CLEC16A: variants seen among roughly 807,000 people sequenced by gnomAD.
CLEC16A encodes C-type lectin domain containing 16A.
In CLEC16A, 51 loss-of-function variants were observed where a neutral mutation model predicts 109.5. That is an observed-to-expected ratio of 0.47 (90% CI 0.37 to 0.59). The LOEUF is 0.59. Ranked by LOEUF, CLEC16A falls within the 20% of genes least tolerant of loss-of-function variation. The probability of loss-of-function intolerance (pLI) is 0.00; values close to 1 mark genes in which losing one functional copy is unlikely to be tolerated. For synonymous variants in CLEC16A, 673 were observed against 564.2 expected (o/e 1.19, Z -2.73); for missense variants, 1,339 against 1,394.0 (o/e 0.96, Z 0.63).
Position 11,064,621 on chromosome 16 carries a change from C to CA in CLEC16A, c.2116+3606dup, listed in dbSNP as rs543456134. On this transcript the variant is annotated intron_variant, in intron 19 of 23. Transcript: ENST00000409790. ...GTGAGACCTTGTCTCTACTAAAATC[C>CA]AAAAAAATAGCCGGTTGTGGTGGCA... Among the ~76,000 whole-genome samples, 55 of 152,012 alleles carry CA rather than the reference C, an allele frequency of 3.6e-4. No individual in the cohort carries two copies. The South Asian group carries it at 0.01, about 29-fold the overall frequency.
chr16:11,150,323 T>G (rs553219497), intron 22 of CLEC16A: 1 of 152,372 alleles, frequency 6.6e-6, no homozygotes, highest in South Asian at 2.1e-4. Flanking sequence ...TATACCCTGC[T>G]GCACCTTGCT....
intron 23 of CLEC16A, among the ~76,000 whole-genome samples, chr16:11,167,336 C>T (rs993860008): frequency 6.6e-6 from 1 of 152,174 alleles, no homozygotes; most frequent in South Asian, 2.1e-4. Flanking sequence ...GTCACACCAA[C>T]TGCCTGCACC....
intron 22 of CLEC16A, among the ~76,000 whole-genome samples, chr16:11,158,795 C>T (rs1286157825): frequency 6.6e-6 from 1 of 152,116 alleles, no homozygotes; most frequent in Non-Finnish European, 1.5e-5. Flanking sequence ...TGGTGCATGC[C>T]TGTAGTCCCA....
intron 16 of CLEC16A, among the ~76,000 whole-genome samples, chr16:11,045,551 G>T (rs76830595): frequency 1.3e-4 from 20 of 152,170 alleles, no homozygotes; most frequent in Admixed American, 1.0e-3. Context: ...TGGGTGGTGG[G>T]GGGTGGTGGG....
chr16:11,073,388 A>G (rs762770438), intron 19 of CLEC16A, among the ~76,000 whole-genome samples: 1 of 151,988 alleles, frequency 6.6e-6, no homozygotes, highest in Non-Finnish European at 1.5e-5. Flanking sequence ...TGGACTCCAC[A>G]GCTCTGCCCC....
chr16:11,027,594 G>A, intron 13 of CLEC16A: 1 of 1,557,666 alleles, frequency 6.4e-7, no homozygotes, highest in Non-Finnish European at 8.7e-7. Context: ...CCTCATTCAT[G>A]AAATTGCATT....
chr16:11,029,227 T>C (rs2046598861), intron 13 of CLEC16A, among the ~76,000 whole-genome samples: 2 of 152,240 alleles, frequency 1.3e-5, no homozygotes, highest in South Asian at 4.2e-4. Context: ...TCTGAGACTC[T>C]ACTGTGTCCC....
chr16:11,060,987 A>C lies in CLEC16A; in HGVS notation c.2081A>C (p.Glu694Ala), dbSNP rs779049462. 1.9e-6 allele frequency: 3 copies of C among 1,611,798 alleles called. No individual in the cohort carries two copies. In the South Asian group the frequency reaches 3.3e-5, roughly 18 times the overall value. ...PETQLPLTRE[E>A]DLIKTDDVLD... ...ACACAGTTGCCGCTGACTCGGGAGG[A>C]GGACCTGATCAAGACTGATGATGTC... Residue 694 changes from glutamate (E) to alanine (A), a missense_variant, in exon 19 of 24, where the codon GAG becomes GCG. Glu to Ala is a moderately radical substitution (Grantham distance 107). Around this residue, in one of 3 missense-constraint regions of CLEC16A, gnomAD observed 1,061 missense variants for 1,006.8 expected, o/e 1.05. Coordinates refer to ENST00000409790, the MANE Select transcript of CLEC16A (RefSeq NM_015226.3).
At chr16:11,027,358 T>C in intron 13 of CLEC16A, 1 of 1,413,328 alleles carries the variant, frequency 7.1e-7, no homozygotes, top group Admixed American at 1.7e-5. Flanking sequence ...AGACTTTGCC[T>C]AAAGAAAATT....
At chr16:11,078,897 C>CA (rs1459250922) in intron 19 of CLEC16A, among the ~76,000 whole-genome samples, 1 of 152,222 alleles carries the variant, frequency 6.6e-6, no homozygotes, top group Non-Finnish European at 1.5e-5. Flanking sequence ...CTCTCCTCTC[C>CA]ACTTTCCTGC....
At chr16:10,971,676 C>A in intron 5 of CLEC16A, 1 of 243,648 alleles carries the variant, frequency 4.1e-6, no homozygotes, top group Non-Finnish European at 6.6e-6. Flanking sequence ...TCCCAACAGG[C>A]TGCAAAGCCC....
chr16:11,130,013 C>T (rs1483333371), intron 22 of CLEC16A, among the ~76,000 whole-genome samples: 6 of 152,122 alleles, frequency 3.9e-5, no homozygotes, highest in Admixed American at 2.6e-4. Flanking sequence ...CCGCCTGTCT[C>T]GGCCTCCCAA....
At chr16:11,080,831 A>G (rs1275211241) in intron 19 of CLEC16A, among the ~76,000 whole-genome samples, 1 of 152,122 alleles carries the variant, frequency 6.6e-6, no homozygotes, top group African/African-American at 2.4e-5. Flanking sequence ...ACCCCTTCTG[A>G]TTAGATTGGG....
In CLEC16A at chr16:11,106,345, G is replaced by A. The variant is rs576038117; in HGVS notation, c.2117-14270G>A. ...TCTCTCTCACCCAGGCTGGAGTGCAGTGTTTTGATCATAGCTCACTGCAGC... is the reference window on the plus strand; with the variant it reads ...TCTCTCTCACCCAGGCTGGAGTGCAATGTTTTGATCATAGCTCACTGCAGC... On this transcript the variant is annotated intron_variant, in intron 19 of 23. Coordinates refer to ENST00000409790, the MANE Select transcript of CLEC16A (RefSeq NM_015226.3). Among the ~76,000 whole-genome samples the A allele has an allele frequency of 5.9e-5, 9 of 152,140 alleles. No individual in the cohort carries two copies. In the South Asian group the frequency reaches 1.7e-3, roughly 28 times the overall value.
intron 21 of CLEC16A, among the ~76,000 whole-genome samples, chr16:11,125,343 T>C (rs1332882769): frequency 6.6e-6 from 1 of 152,104 alleles, no homozygotes; most frequent in Non-Finnish European, 1.5e-5. Flanking sequence ...ACAGCTGGCA[T>C]GAAGGCCAAA....
At chr16:11,043,763 G>A (rs1233900805) in intron 15 of CLEC16A, among the ~76,000 whole-genome samples, 1 of 151,922 alleles carries the variant, frequency 6.6e-6, no homozygotes, top group South Asian at 2.1e-4. Context: ...TACTCGGGAG[G>A]TTGAGACAGG....
chr16:10,976,254 A>G (rs1329822220), intron 7 of CLEC16A, among the ~76,000 whole-genome samples: 1 of 152,194 alleles, frequency 6.6e-6, no homozygotes, highest in African/African-American at 2.4e-5. Context: ...TAGGTAACAA[A>G]ACAAGACCCT....
chr16:11,056,777 TCACCCTAAAC>T (rs2048233544), intron 18 of CLEC16A: 1 of 152,254 alleles, frequency 6.6e-6, no homozygotes. Context: ...CATGATTTCA[TCACCCTAAAC>T]AAACAATACT....
intron 22 of CLEC16A, among the ~76,000 whole-genome samples, chr16:11,140,495 C>G (rs550520096): frequency 6.6e-6 from 1 of 152,224 alleles, no homozygotes; most frequent in African/African-American, 2.4e-5. Flanking sequence ...GCACAGTGGT[C>G]TAGCATCTCA....
Sources: allele counts gnomAD v4.1 joint callset (sites outside exome capture counted in the v4.1 genomes callset), GRCh38; gene constraint gnomAD v4.1.1; regional missense constraint gnomAD v4.1.1; transcripts MANE v1.5; gene names NCBI Gene and HGNC (gene_info 2026-07-23, HGNC 2026-07-21).